The following CYFIP1 variants were observed in gnomAD, a reference collection of about 807,000 sequenced individuals.
The protein encoded by CYFIP1 is cytoplasmic FMR1 interacting protein 1, also known as cytoplasmic FMR1-interacting protein 1.
CYFIP1 carries 58 observed loss-of-function variants against 163.5 expected under a neutral mutation model. The observed-to-expected ratio is 0.35, with a 90% confidence interval of 0.29 to 0.44. CYFIP1 has a LOEUF of 0.44. Among genes scored for constraint, CYFIP1 ranks in the 20% least tolerant of loss-of-function variants. The pLI, the probability that CYFIP1 is intolerant of heterozygous loss-of-function variation, is 1.00. For missense variants in CYFIP1, 1,338 were observed against 1,653.8 expected, an observed-to-expected ratio of 0.81 and a Z score of 3.31; for synonymous variants, 663 against 660.7, an observed-to-expected ratio of 1.00 and a Z score of -0.05.
Position 22,917,747 on chromosome 15 carries a change from C to T in CYFIP1, c.1674+41G>A. The T allele has an allele frequency of 6.6e-7, 1 of 1,514,882 alleles. No homozygotes were observed. Among genetic ancestry groups the T allele is most frequent in the Non-Finnish European group, 8.9e-7 (1 of 1,128,290 alleles). The allele number at this position is 1,514,882 out of a possible 1,614,324, so 93.8% of individuals were successfully genotyped here. A position where few individuals can be genotyped will look rare whatever the true frequency, so the allele number is the denominator to read the frequency against. The stretch of plus-strand genomic sequence containing the variant: ...CCCGCTCACAGCTCAGGGTGGGTCC[C>T]CCCAGGGAGAGGGTGCAGGCGGGGC... On this transcript the variant is annotated intron_variant, in intron 15 of 30. Transcript: ENST00000617928. This position sits in a 1 kb window ranked among gnomAD's most constrained non-coding sequence, Gnocchi z 4.2.
At chr15:22,904,675 C>A (rs74003074) in intron 21 of CYFIP1, 2 of 152,156 alleles carry the variant, frequency 1.3e-5, no homozygotes, top group African/African-American at 2.4e-5. Flanking sequence ...TTCTATTGGA[C>A]AGTAATGGCC....
At chr15:22,963,501 T>TAACATAACATAACATAACATAA (rs1567038122) in intron 1 of CYFIP1, among the ~76,000 whole-genome samples, 7 of 63,004 alleles carry the variant, frequency 1.1e-4, no homozygotes, top group Admixed American at 2.5e-4. Context: ...AAAAATAACA[T>TAACATAACATAACATAACATAA]AACATAACAT....
intron 22 of CYFIP1, among the ~76,000 whole-genome samples, chr15:22,897,194 CA>C (rs1845134436): frequency 1.3e-5 from 2 of 152,096 alleles, no homozygotes; most frequent in African/African-American, 4.8e-5. Flanking sequence ...GCCTGGGCAA[CA>C]AGAGCAAAAC....
At chr15:22,944,501 G>T in intron 5 of CYFIP1, 57 bp downstream of exon 5, 1 of 1,166,656 alleles carries the variant, frequency 8.6e-7, no homozygotes, top group Non-Finnish European at 1.3e-6. Context: ...TGGGTAGGAA[G>T]GGGTCAGCAA....
chr15:22,918,391 G>A (rs990413994), intron 14 of CYFIP1, among the ~76,000 whole-genome samples: 6 of 152,226 alleles, frequency 3.9e-5, no homozygotes, highest in African/African-American at 7.2e-5. Flanking sequence ...GGGCTCCACC[G>A]TGCAGAGACC....
intron 5 of CYFIP1, 48 bp from the exon 6 acceptor site, chr15:22,943,402 C>T (rs769869914): frequency 2.5e-6 from 4 of 1,581,740 alleles, no homozygotes; most frequent in Non-Finnish European, 3.4e-6. Flanking sequence ...CAGTGAGGAG[C>T]CAAGCCCATG....
At chr15:22,978,352 CAAAAAAAAAAAA>C (rs397976366) in intron 1 of CYFIP1, among the ~76,000 whole-genome samples, 48 of 52,770 alleles carry the variant, frequency 9.1e-4, no homozygotes, top group South Asian at 2.3e-3. Context: ...GACTCTGTCA[CAAAAAAAAAAAA>C]AAAAAAAAAA....
intron 1 of CYFIP1, among the ~76,000 whole-genome samples, chr15:22,949,763 T>C (rs1161835768): frequency 1.3e-5 from 2 of 151,530 alleles, no homozygotes; most frequent in Admixed American, 1.3e-4. Context: ...CCACTAGAAG[T>C]AGTAAAAAGC....
rs538208663 is a variant in CYFIP1 at position 22,960,089 on chromosome 15, G to A, written c.-6-12798C>T. ...GCTCCCCTACTGCGCCTGGCCTGTGGGCCGAGTGTCTCCCGGGCTCCACCA... is the reference window on the plus strand; with the variant it reads ...GCTCCCCTACTGCGCCTGGCCTGTGAGCCGAGTGTCTCCCGGGCTCCACCA... On this transcript the variant is annotated intron_variant, in intron 1 of 30. Coordinates refer to ENST00000617928, the MANE Select transcript of CYFIP1 (RefSeq NM_014608.6). Among the ~76,000 whole-genome samples, 10 of 152,314 alleles carry A rather than the reference G, an allele frequency of 6.6e-5. No homozygotes were observed. In the South Asian group the frequency reaches 2.1e-3, roughly 32 times the overall value.
At chr15:22,879,781 A>C (rs929395093) in intron 26 of CYFIP1, 132 bp downstream of exon 26, 50 of 476,476 alleles carry the variant, frequency 1.0e-4, no homozygotes, top group South Asian at 4.5e-4. Flanking sequence ...AACAGCCACA[A>C]AAAAAAAAAA....
chr15:22,892,472 G>A (rs967255248), intron 23 of CYFIP1, among the ~76,000 whole-genome samples: 5 of 152,004 alleles, frequency 3.3e-5, no homozygotes, highest in African/African-American at 9.7e-5. Flanking sequence ...TTCCAGCTCC[G>A]CTCCTCCGGT....
At chr15:22,948,093 T>A in intron 1 of CYFIP1, 1 of 620,930 alleles carries the variant, frequency 1.6e-6, no homozygotes, top group Non-Finnish European at 2.0e-6. Flanking sequence ...CCCAAATCCC[T>A]CCTCCAGCAC....
intron 1 of CYFIP1, among the ~76,000 whole-genome samples, chr15:22,948,675 C>T (rs2062140604): frequency 6.6e-6 from 1 of 152,060 alleles, no homozygotes; most frequent in African/African-American, 2.4e-5. Flanking sequence ...AACTACTGTG[C>T]TATGAAATGC....
intron 1 of CYFIP1, among the ~76,000 whole-genome samples, chr15:22,961,108 G>A (rs1331416835): frequency 5.9e-5 from 9 of 151,596 alleles, no homozygotes; most frequent in East Asian, 3.9e-4. Flanking sequence ...TGCAACCTCC[G>A]CCTCCTGTCT....
intron 16 of CYFIP1, among the ~76,000 whole-genome samples, chr15:22,915,547 G>A (rs2060944591): frequency 6.6e-6 from 1 of 152,008 alleles, no homozygotes; most frequent in Admixed American, 6.6e-5. Flanking sequence ...TCAGGAGTTT[G>A]AGACCAGCCT....
chr15:22,941,200 T>G (rs951988285), intron 6 of CYFIP1, among the ~76,000 whole-genome samples: 1 of 151,900 alleles, frequency 6.6e-6, no homozygotes. Context: ...GGACCACAGG[T>G]GCATGCCACC....
chr15:22,877,089 G>A (rs2059608206), intron 26 of CYFIP1, among the ~76,000 whole-genome samples: 1 of 152,178 alleles, frequency 6.6e-6, no homozygotes, highest in African/African-American at 2.4e-5. Context: ...AAAACTCATG[G>A]TGAAATTTAA....
At position 22,918,808 on chromosome 15, in the gene CYFIP1, G is replaced by A. The variant is rs143353423; in HGVS notation, c.1410C>T (p.Ser470=). 18 of 1,612,764 alleles carry A rather than the reference G, an allele frequency of 1.1e-5. No individual in the cohort carries two copies. The highest frequency in any genetic ancestry group is 8.4e-5 in the Admixed American group (5 of 59,872). ...GLQVLMGRME[S]VFNHAIRHTV... ...TGTGCCGGATGGCGTGGTTGAACAC[G>A]CTCTCCATCCTGCCCATCAGCACCT... is the stretch of plus-strand genomic sequence containing the variant. The change falls in exon 14 of 31, where the codon AGC becomes AGT. Residue 470 remains serine, a synonymous_variant. Coordinates refer to ENST00000617928, the MANE Select transcript of CYFIP1 (RefSeq NM_014608.6).
At chr15:22,913,983 G>A (rs574116201) in intron 17 of CYFIP1, among the ~76,000 whole-genome samples, 2 of 152,330 alleles carry the variant, frequency 1.3e-5, no homozygotes, top group East Asian at 3.9e-4. Context: ...CAGACCGGCT[G>A]GGCGGCTCCC....
Sources: allele counts gnomAD v4.1 joint callset (sites outside exome capture counted in the v4.1 genomes callset), GRCh38; gene constraint gnomAD v4.1.1; non-coding constraint Gnocchi (gnomAD v3.1); transcripts MANE v1.5; gene names NCBI Gene and HGNC (gene_info 2026-07-23, HGNC 2026-07-21).